Variants in MALRD1 observed in about 807,000 individuals in gnomAD.
The protein encoded by MALRD1 is MAM and LDL receptor class A domain containing 1, also known as MAM and LDL-receptor class A domain-containing protein 1.
In MALRD1, 247 loss-of-function variants were observed where a neutral mutation model predicts 242.1. The ratio of observed to expected loss-of-function variants is 1.02; its 90% CI spans 0.92 to 1.13. MALRD1 has a LOEUF of 1.13. Among genes scored for constraint, MALRD1 ranks in the 50% most tolerant of loss-of-function variants. The probability of loss-of-function intolerance (pLI) is 0.00; values close to 1 mark genes in which losing one functional copy is unlikely to be tolerated. For missense variants in MALRD1, 2,989 were observed against 2,533.1 expected (o/e 1.18, Z -3.86); for synonymous variants, 995 against 866.6 (o/e 1.15, Z -2.60).
At chr10:19,372,703 A>G (rs1016317075) in intron 26 of MALRD1, among the ~76,000 whole-genome samples, 9 of 152,030 alleles carry the variant, frequency 5.9e-5, no homozygotes, top group African/African-American at 2.2e-4. Context: ...CCTGAACTCA[A>G]GTGTTCCACC....
intron 38 of MALRD1, among the ~76,000 whole-genome samples, chr10:19,708,504 A>ATT (rs35508391): frequency 1.1e-3 from 63 of 56,820 alleles, no homozygotes; most frequent in South Asian, 1.5e-3. Context: ...ACTCCCAGCT[A>ATT]TTTTTTTTTT....
intron 27 of MALRD1, 151 bp from the exon 28 acceptor site, chr10:19,389,301 G>A (rs1846231442): frequency 2.4e-6 from 2 of 848,404 alleles, no homozygotes; most frequent in African/African-American, 3.3e-5. Flanking sequence ...TAGAGGCGAG[G>A]CTATTAGATT....
At chr10:19,084,541 A>G (rs1356252599) in intron 2 of MALRD1, among the ~76,000 whole-genome samples, 1 of 151,878 alleles carries the variant, frequency 6.6e-6, no homozygotes, top group Non-Finnish European at 1.5e-5. Flanking sequence ...TCCTGCTCAC[A>G]TTCAGGTCCA....
intron 39 of MALRD1, among the ~76,000 whole-genome samples, chr10:19,733,203 C>G (rs564377974): frequency 4.6e-4 from 70 of 152,242 alleles, no homozygotes; most frequent in Non-Finnish European, 8.5e-4. Context: ...CAATTCATGC[C>G]AATATTCATG....
intron 25 of MALRD1, 22 bp from the exon 26 acceptor site, chr10:19,351,984 A>G (rs1277843494): frequency 9.3e-6 from 14 of 1,508,132 alleles, no homozygotes; most frequent in Non-Finnish European, 1.3e-5. Context: ...ATCGTATGTA[A>G]TATTCCTATT....
chr10:19,352,687 A>G (rs558001553), intron 26 of MALRD1, among the ~76,000 whole-genome samples: 1 of 152,308 alleles, frequency 6.6e-6, no homozygotes, highest in South Asian at 2.1e-4. Context: ...TTTTGTGGTT[A>G]TGATATTTGC....
At chr10:19,330,901 C>T (rs1843333020) in intron 23 of MALRD1, among the ~76,000 whole-genome samples, 1 of 151,814 alleles carries the variant, frequency 6.6e-6, no homozygotes, top group South Asian at 2.1e-4. Context: ...TATCTTTTAG[C>T]TTTCAAATAG....
chr10:19,692,389 G>A (rs1330882670), intron 37 of MALRD1, 28 bp downstream of exon 37: 1 of 1,532,590 alleles, frequency 6.5e-7, no homozygotes, highest in Admixed American at 2.0e-5. Context: ...TAAATAAATG[G>A]CTTGGTTTGG....
chr10:19,142,350 T>C (rs1231263374), intron 10 of MALRD1, among the ~76,000 whole-genome samples: 2 of 152,146 alleles, frequency 1.3e-5, no homozygotes, highest in African/African-American at 2.4e-5. Flanking sequence ...AAATGAAATA[T>C]TCCCCATTCA....
intron 32 of MALRD1, among the ~76,000 whole-genome samples, chr10:19,537,206 C>A (rs186205100): frequency 4.1e-4 from 62 of 152,218 alleles, no homozygotes; most frequent in African/African-American, 1.4e-3. Context: ...AGAGTATTAA[C>A]ATGAAGAGTA....
intron 18 of MALRD1, among the ~76,000 whole-genome samples, chr10:19,253,436 T>G (rs1839380078): frequency 6.6e-6 from 1 of 151,950 alleles, no homozygotes; most frequent in African/African-American, 2.4e-5. Flanking sequence ...TTTATCCTGT[T>G]TAGGTGAGCA....
At chr10:19,244,468 G>T (rs558236135) in intron 18 of MALRD1, among the ~76,000 whole-genome samples, 1 of 152,066 alleles carries the variant, frequency 6.6e-6, no homozygotes, top group Admixed American at 6.6e-5. Context: ...CTACTCCAAG[G>T]CTGAGGTGGG....
At chr10:19,094,860 A>G (rs1182080759) in intron 4 of MALRD1, among the ~76,000 whole-genome samples, 1 of 152,224 alleles carries the variant, frequency 6.6e-6, no homozygotes, top group Non-Finnish European at 1.5e-5. Context: ...GCAGCCTAAT[A>G]AAACTTATGC....
Position 19,128,358 on chromosome 10 carries a change from G to A in MALRD1, c.1081G>A (p.Val361Ile). 1 of 1,233,170 alleles carries A rather than the reference G, an allele frequency of 8.1e-7. No homozygotes were observed. Among genetic ancestry groups the A allele is most frequent in the Non-Finnish European group, 1.0e-6 (1 of 987,604 alleles). The allele number at this position is 1,233,170 out of a possible 1,614,324, so 76.4% of individuals were successfully genotyped here. A position where few individuals can be genotyped will look rare whatever the true frequency, so the allele number is the denominator to read the frequency against. Residue 361 changes from valine to isoleucine, a missense_variant, in exon 8 of 40, where the codon GTC becomes ATC. By Grantham distance (29) the Val-to-Ile change is conservative. Transcript: ENST00000454679. ...ATTCTATTATGCAATGGAAAGCAGT[G>A]TCCTGAGAGTAAGACTGTATAATAA... ...LQFYYAMESS[V>I]LRVRLYNNKE...
chr10:19,235,780 T>G (rs1441342785), intron 18 of MALRD1, among the ~76,000 whole-genome samples: 1 of 152,074 alleles, frequency 6.6e-6, no homozygotes, highest in African/African-American at 2.4e-5. Flanking sequence ...CTGGTGGGAA[T>G]AACAGGAGGA....
At chr10:19,099,715 C>T (rs1020408659) in intron 4 of MALRD1, among the ~76,000 whole-genome samples, 28 of 151,616 alleles carry the variant, frequency 1.8e-4, no homozygotes, top group African/African-American at 6.3e-4. Flanking sequence ...CTACCATACA[C>T]CAACACAGCT....
chr10:19,733,933 G>T (rs1427844219), intron 39 of MALRD1, among the ~76,000 whole-genome samples: 1 of 152,046 alleles, frequency 6.6e-6, no homozygotes, highest in Non-Finnish European at 1.5e-5. Flanking sequence ...AGGTGAGGCA[G>T]TGGTGCCTAA....
In MALRD1 at chr10:19,238,485, ATATATAATATATAATATAATATATAATG is replaced by A. The variant is rs1838555999; in HGVS notation, c.2992-19193_2992-19166del. On this transcript the variant is annotated intron_variant, in intron 18 of 39. Coordinates refer to ENST00000454679, the MANE Select transcript of MALRD1 (RefSeq NM_001142308.3). Reference sequence around the variant, plus strand: ...TATAATATAATATATAATATACATTATATATAATATATAATATAATATATAATGTATATTATATATAATATACATTATA... The same window carrying A: ...TATAATATAATATATAATATACATTATATATTATATATAATATACATTATA... 1.4e-4 allele frequency among the ~76,000 whole-genome samples: 3 copies of A among 20,880 alleles called. 1 individual carries two copies. Among genetic ancestry groups the A allele is most frequent in the Non-Finnish European group, 2.1e-4 (3 of 14,202 alleles). The allele number at this position is 20,880 out of a possible 152,430, so 13.7% of individuals were successfully genotyped here. A position where few individuals can be genotyped will look rare whatever the true frequency, so the allele number is the denominator to read the frequency against.
intron 34 of MALRD1, 33 bp from the exon 35 acceptor site, chr10:19,607,744 G>T (rs1228025199): frequency 6.5e-7 from 1 of 1,534,672 alleles, no homozygotes; most frequent in Non-Finnish European, 8.8e-7. Context: ...AATCATGCTG[G>T]CATCCCTGAT....
Sources: allele counts gnomAD v4.1 joint callset (sites outside exome capture counted in the v4.1 genomes callset), GRCh38; gene constraint gnomAD v4.1.1; transcripts MANE v1.5; gene names NCBI Gene and HGNC (gene_info 2026-07-23, HGNC 2026-07-21).